RBFOX1: variants seen among roughly 807,000 people sequenced by gnomAD.
The protein encoded by RBFOX1 is RNA binding fox-1 homolog 1.
RBFOX1 carries 8 observed loss-of-function variants against 57.7 expected under a neutral mutation model. The ratio of observed to expected loss-of-function variants is 0.14; its 90% CI spans 0.08 to 0.25. RBFOX1 has a LOEUF of 0.25. Among genes scored for constraint, RBFOX1 ranks in the 10% least tolerant of loss-of-function variants. The pLI, the probability that RBFOX1 is intolerant of heterozygous loss-of-function variation, is 1.00. For missense variants in RBFOX1, 611 were observed against 548.5 expected, an observed-to-expected ratio of 1.11 and a Z score of -1.14; for synonymous variants, 326 against 222.4, an observed-to-expected ratio of 1.47 and a Z score of -4.15.
chr16:6,838,489 T>G (rs1388911326), intron 3 of RBFOX1, among the ~76,000 whole-genome samples: 1 of 152,222 alleles, frequency 6.6e-6, no homozygotes, highest in African/African-American at 2.4e-5. Context: ...TGCCCCTTAA[T>G]TTGCATGCAA....
At chr16:6,404,615 T>A (rs866954186) in intron 2 of RBFOX1, among the ~76,000 whole-genome samples, 41 of 152,284 alleles carry the variant, frequency 2.7e-4, no homozygotes, top group African/African-American at 9.9e-4. Context: ...GCAGTCCTAG[T>A]TTGCTTGGGA....
At chr16:5,366,214 A>G in intron 1 of RBFOX1, 1 of 414,774 alleles carries the variant, frequency 2.4e-6, no homozygotes, top group Non-Finnish European at 4.6e-6. Context: ...TCTGGGAAGC[A>G]GGCTGCCCCT....
chr16:6,685,766 C>T (rs996606694), intron 3 of RBFOX1, among the ~76,000 whole-genome samples: 1 of 152,022 alleles, frequency 6.6e-6, no homozygotes, highest in Admixed American at 6.6e-5. Context: ...ATCCTTTTTC[C>T]CTCCAAGCAC....
At chr16:6,941,171 A>G (rs2078380096) in intron 3 of RBFOX1, among the ~76,000 whole-genome samples, 1 of 151,900 alleles carries the variant, frequency 6.6e-6, no homozygotes, top group South Asian at 2.1e-4. Context: ...ATCCATCAGC[A>G]GACTCTCATT....
chr16:6,590,036 T>G (rs917523958), intron 2 of RBFOX1, among the ~76,000 whole-genome samples: 1 of 152,064 alleles, frequency 6.6e-6, no homozygotes, highest in African/African-American at 2.4e-5. Context: ...TGGGGATCTC[T>G]TGGCCAAAAA....
chr16:6,022,816 C>G (rs1162533433), intron 1 of RBFOX1, among the ~76,000 whole-genome samples: 2 of 152,184 alleles, frequency 1.3e-5, no homozygotes, highest in African/African-American at 2.4e-5. Flanking sequence ...ACTGAATGCA[C>G]AAATACCTTG....
At chr16:6,110,826 G>A (rs1358308386) in intron 1 of RBFOX1, among the ~76,000 whole-genome samples, 1 of 152,162 alleles carries the variant, frequency 6.6e-6, no homozygotes, top group Admixed American at 6.5e-5. Flanking sequence ...TTAGTGGGTA[G>A]AGGCCAGAGA....
intron 3 of RBFOX1, among the ~76,000 whole-genome samples, chr16:6,806,157 G>C (rs1421658167): frequency 6.6e-6 from 1 of 152,158 alleles, no homozygotes; most frequent in Non-Finnish European, 1.5e-5. Flanking sequence ...GAATAGAAAT[G>C]AGTATAGAAT....
intron 2 of RBFOX1, among the ~76,000 whole-genome samples, chr16:6,384,751 T>G (rs1387603885): frequency 6.6e-6 from 1 of 152,224 alleles, no homozygotes; most frequent in Non-Finnish European, 1.5e-5. Flanking sequence ...GCTTTTTAAT[T>G]AAAGACCAAG....
chr16:5,271,283 GT>G (rs889864267), intron 1 of RBFOX1, among the ~76,000 whole-genome samples: 2 of 152,242 alleles, frequency 1.3e-5, no homozygotes, highest in Admixed American at 1.3e-4. Context: ...GAGGCCAGGA[GT>G]AATTTGAGCC....
intron 1 of RBFOX1, among the ~76,000 whole-genome samples, chr16:5,427,739 T>C (rs965931305): frequency 1.3e-5 from 2 of 152,086 alleles, no homozygotes; most frequent in African/African-American, 4.8e-5. Flanking sequence ...GAGAGGTCAG[T>C]CTTGTTTTGC....
chr16:5,566,188 A>T (rs2046060855), intron 2 of RBFOX1, among the ~76,000 whole-genome samples: 1 of 152,084 alleles, frequency 6.6e-6, no homozygotes, highest in Admixed American at 6.5e-5. Context: ...AAAATGGATG[A>T]ATACAATGGG....
intron 3 of RBFOX1, among the ~76,000 whole-genome samples, chr16:6,746,434 T>G (rs1038362733): frequency 6.6e-6 from 1 of 152,136 alleles, no homozygotes; most frequent in Non-Finnish European, 1.5e-5. Context: ...CTCAGCACTA[T>G]GGGAAGACTA....
intron 1 of RBFOX1, among the ~76,000 whole-genome samples, chr16:5,356,188 A>G (rs1297348833): frequency 6.6e-6 from 1 of 152,200 alleles, no homozygotes; most frequent in Non-Finnish European, 1.5e-5. Context: ...CTAACAGCCA[A>G]GGGGTGGCAA....
intron 4 of RBFOX1, among the ~76,000 whole-genome samples, chr16:7,365,884 CCTT>C (rs1319623114): frequency 1.3e-5 from 2 of 152,196 alleles, no homozygotes; most frequent in Non-Finnish European, 2.9e-5. Context: ...CTAAGACTCT[CCTT>C]CTTTGTCTCC....
rs373278225 is a variant in RBFOX1, at chr16:5,599,148, C to G, written c.505C>G (p.Pro169Ala). 4,678 of 666,948 alleles carry G rather than the reference C, an allele frequency of 7.0e-3. 158 individuals carry two copies. In the African/African-American group the frequency reaches 0.086, roughly 12 times the overall value. The allele number at this position is 666,948 out of a possible 1,614,324, so 41.3% of individuals were successfully genotyped here. The stretch of plus-strand genomic sequence containing the variant: ...ACTTGCACAATTTCTATCACTTGGG[C>G]CGTATTCCCAGCCTCTGGTACATGG... Residue 169 changes from proline (P) to alanine (A), a missense_variant, in exon 3 of 3, where the codon CCG becomes GCG. Coordinates refer to the RBFOX1 transcript ENST00000585867.
At chr16:7,030,980 G>A (rs538146432) in intron 3 of RBFOX1, among the ~76,000 whole-genome samples, 1 of 152,334 alleles carries the variant, frequency 6.6e-6, no homozygotes, top group African/African-American at 2.4e-5. Flanking sequence ...TGGGGTGTGT[G>A]GAGCAGAATG....
At chr16:6,600,254 C>T (rs962985841) in intron 2 of RBFOX1, among the ~76,000 whole-genome samples, 4 of 151,974 alleles carry the variant, frequency 2.6e-5, no homozygotes, top group South Asian at 2.1e-4. Flanking sequence ...GACAGAATCT[C>T]GGGGCTTTTG....
At chr16:5,568,666 C>G (rs1019587204) in intron 2 of RBFOX1, among the ~76,000 whole-genome samples, 2 of 152,210 alleles carry the variant, frequency 1.3e-5, no homozygotes, top group East Asian at 1.9e-4. Context: ...TCCTTGTCCA[C>G]CTATGCCAGC....
Sources: gnomAD v4.1 joint callset for allele counts (sites outside exome capture counted in the v4.1 genomes callset) on GRCh38, gnomAD v4.1.1 for gene constraint, MANE v1.5 for transcripts, NCBI Gene and HGNC (gene_info 2026-07-23, HGNC 2026-07-21) for gene names.